The following FAM78B variants were observed in gnomAD, a reference collection of about 807,000 sequenced individuals.
FAM78B encodes protein FAM78B.
In FAM78B, 10 loss-of-function variants were observed where a neutral mutation model predicts 20.0. The observed-to-expected ratio is 0.50, with a 90% CI of 0.31 to 0.85. FAM78B has a LOEUF of 0.85. Ranked by LOEUF, FAM78B falls within the 40% of genes least tolerant of loss-of-function variation. The pLI is 0.05. For missense variants in FAM78B, 283 were observed against 345.0 expected, an observed-to-expected ratio of 0.82 and a Z score of 1.42; for synonymous variants, 135 against 132.8, an observed-to-expected ratio of 1.02 and a Z score of -0.12.
intron 1 of FAM78B, among the ~76,000 whole-genome samples, chr1:166,141,134 G>A (rs1655260568): frequency 6.6e-6 from 1 of 152,246 alleles, no homozygotes; most frequent in African/African-American, 2.4e-5. Flanking sequence ...GGGCTCACCT[G>A]CCGTAGTCCA....
chr1:166,104,480 T>A (rs1166659971), intron 1 of FAM78B, among the ~76,000 whole-genome samples: 1 of 152,200 alleles, frequency 6.6e-6, no homozygotes, highest in African/African-American at 2.4e-5. Flanking sequence ...AAAATCTCCT[T>A]AAGCTGATAA....
At chr1:166,148,786 C>T (rs72703949) in intron 1 of FAM78B, among the ~76,000 whole-genome samples, 6,848 of 152,314 alleles carry the variant, frequency 0.045, 206 homozygotes, top group Non-Finnish European at 0.064. Context: ...CTAGGTTATT[C>T]CTGTAGACTG....
intron 1 of FAM78B, among the ~76,000 whole-genome samples, chr1:166,099,922 C>T (rs1265631302): frequency 3.9e-5 from 6 of 152,026 alleles, no homozygotes; most frequent in East Asian, 1.9e-4. Context: ...TTGGAACAAA[C>T]GGAATTAATA....
downstream of FAM78B, among the ~76,000 whole-genome samples, chr1:166,056,810 T>C (rs539155716): frequency 9.8e-5 from 15 of 152,338 alleles, no homozygotes; most frequent in African/African-American, 2.6e-4. Context: ...CACCGAATCA[T>C]AGATGAGGAG....
intron 1 of FAM78B, among the ~76,000 whole-genome samples, chr1:166,114,727 G>C (rs1383443055): frequency 3.9e-5 from 6 of 152,178 alleles, no homozygotes; most frequent in Non-Finnish European, 1.5e-5. Context: ...GGGAAGATGA[G>C]GAGCCTTCCC....
intron 1 of FAM78B, among the ~76,000 whole-genome samples, chr1:166,120,265 A>G (rs1654417811): frequency 6.6e-6 from 1 of 152,210 alleles, no homozygotes; most frequent in Non-Finnish European, 1.5e-5. Flanking sequence ...ACTCAAGAGA[A>G]GTTAAGTAAC....
At position 166,152,694 on chromosome 1, in the gene FAM78B, T is replaced by TGA. The variant is rs1478136403; in HGVS notation, c.263+13291_263+13292insTC. ...TTTATTTATTTATTTATTTATTTAT[T>TGA]TATTGATGGAATCTCGCTCTGTCAC... On this transcript the variant is annotated intron_variant, in intron 1 of 1. Transcript: ENST00000354422. 2.2e-3 allele frequency among the ~76,000 whole-genome samples: 333 copies of TGA among 151,758 alleles called. 1 individual carries two copies. The highest frequency in any genetic ancestry group is 7.1e-3 in the African/African-American group (292 of 41,340).
chr1:166,156,630 C>G (rs146931605), intron 1 of FAM78B, among the ~76,000 whole-genome samples: 23 of 152,252 alleles, frequency 1.5e-4, no homozygotes, highest in African/African-American at 5.3e-4. Flanking sequence ...GAGAGGTCCC[C>G]TTATAAAGAA....
chr1:166,147,503 G>A (rs975381615), intron 1 of FAM78B, among the ~76,000 whole-genome samples: 1 of 152,236 alleles, frequency 6.6e-6, no homozygotes, highest in African/African-American at 2.4e-5. Context: ...GGAAATTACA[G>A]TATTGTCAAG....
chr1:166,071,576 A>C (rs1652034468), intron 1 of FAM78B, among the ~76,000 whole-genome samples: 1 of 152,234 alleles, frequency 6.6e-6, no homozygotes, highest in African/African-American at 2.4e-5. Flanking sequence ...ACTGTTGCTA[A>C]TAATAATTGC....
At chr1:166,150,588 CAAAGT>C (rs1224895244) in intron 1 of FAM78B, among the ~76,000 whole-genome samples, 2 of 152,132 alleles carry the variant, frequency 1.3e-5, no homozygotes, top group Non-Finnish European at 2.9e-5. Context: ...TCAAAATGTA[CAAAGT>C]AAAATGTGAA....
chr1:166,165,359 C>T (rs892284078), intron 1 of FAM78B, among the ~76,000 whole-genome samples: 1 of 152,220 alleles, frequency 6.6e-6, no homozygotes, highest in African/African-American at 2.4e-5. Context: ...CAGCTCCCCA[C>T]CAGAACTGGT....
intron 1 of FAM78B, among the ~76,000 whole-genome samples, chr1:166,130,302 A>T (rs985266964): frequency 5.9e-5 from 9 of 152,228 alleles, no homozygotes; most frequent in Admixed American, 3.9e-4. Context: ...CCACATAGGG[A>T]TGTGGATAGA....
chr1:166,083,972 C>T (rs1652688483), intron 1 of FAM78B, among the ~76,000 whole-genome samples: 1 of 151,956 alleles, frequency 6.6e-6, no homozygotes, highest in Non-Finnish European at 1.5e-5. Flanking sequence ...GACTCATTTC[C>T]TCCCTTTACG....
At chr1:166,105,114 C>G (rs1653716280) in intron 1 of FAM78B, among the ~76,000 whole-genome samples, 1 of 152,040 alleles carries the variant, frequency 6.6e-6, no homozygotes, top group South Asian at 2.1e-4. Flanking sequence ...AAAGGATTCC[C>G]TATTTAATAA....
chr1:166,127,993 G>A (rs563315515), intron 1 of FAM78B, among the ~76,000 whole-genome samples: 1 of 152,314 alleles, frequency 6.6e-6, no homozygotes, highest in East Asian at 1.9e-4. Context: ...TTTGCTAGTT[G>A]ATAAAAACCA....
intron 1 of FAM78B, among the ~76,000 whole-genome samples, chr1:166,094,003 C>CTGTGTGTGTGTGTGTG (rs58213930): frequency 0.014 from 1,756 of 125,298 alleles, 27 homozygotes; most frequent in South Asian, 0.023. Flanking sequence ...TTGCGAATGA[C>CTGTGTGTGTGTGTGTG]TGTGTGTGTG....
chr1:166,166,278 G>A lies in FAM78B; in HGVS notation c.-30C>T, dbSNP rs1656376456. ...CAGCCCGGTGCCGGCACGGCGCGGC[G>A]TGGGGCAGCGCGGGGGCCCGCGCGG... On this transcript the variant is annotated 5_prime_UTR_variant, in exon 1 of 2. It adds an upstream start codon to the 5' untranslated region. Transcript: ENST00000354422. 1.6e-6 allele frequency: 2 copies of A among 1,273,672 alleles called. No homozygotes were observed. Among genetic ancestry groups the A allele is most frequent in the Non-Finnish European group, 2.0e-6 (2 of 1,007,832 alleles). The allele number at this position is 1,273,672 out of a possible 1,614,324, so 78.9% of individuals were successfully genotyped here.
At chr1:166,074,170 C>G (rs532415749) in intron 1 of FAM78B, among the ~76,000 whole-genome samples, 3 of 152,340 alleles carry the variant, frequency 2.0e-5, no homozygotes, top group South Asian at 4.1e-4. Context: ...GCATCACCCA[C>G]AGGGTAAAAT....
Sources: allele counts gnomAD v4.1 joint callset (sites outside exome capture counted in the v4.1 genomes callset), GRCh38; gene constraint gnomAD v4.1.1; transcripts MANE v1.5; gene names NCBI Gene and HGNC (gene_info 2026-07-23, HGNC 2026-07-21).